EPHA3: variants seen among roughly 807,000 people sequenced by gnomAD.
EPHA3 encodes EPH receptor A3.
EPHA3 carries 42 observed loss-of-function variants against 107.1 expected under a neutral mutation model. That is an observed-to-expected ratio of 0.39 (90% confidence interval 0.31 to 0.51). EPHA3 has a LOEUF of 0.51. EPHA3 is among the 20% of genes least tolerant of loss of function. The pLI, the probability that EPHA3 is intolerant of heterozygous loss-of-function variation, is 0.78. For synonymous variants in EPHA3, 461 were observed against 424.8 expected (o/e 1.09, Z -1.05); for missense variants, 1,183 against 1,211.2 (o/e 0.98, Z 0.35).
intron 16 of EPHA3, among the ~76,000 whole-genome samples, chr3:89,475,419 G>A (rs1389476832): frequency 1.3e-5 from 2 of 152,126 alleles, no homozygotes; most frequent in Non-Finnish European, 2.9e-5. Flanking sequence ...TATAGGAAAA[G>A]ATCAATAAAA....
At chr3:89,136,311 C>A (rs2107002278) in intron 2 of EPHA3, among the ~76,000 whole-genome samples, 1 of 105,288 alleles carries the variant, frequency 9.5e-6, no homozygotes, top group African/African-American at 3.5e-5. Flanking sequence ...ATTAGAAAAA[C>A]ATGGCAAAAT....
chr3:89,137,913 A>G (rs1199447286), intron 2 of EPHA3, among the ~76,000 whole-genome samples: 1 of 151,966 alleles, frequency 6.6e-6, no homozygotes, highest in Non-Finnish European at 1.5e-5. Context: ...GAAATGCAAA[A>G]TTCTGGGCCC....
chr3:89,113,480 T>A (rs1707164213), intron 1 of EPHA3, among the ~76,000 whole-genome samples: 1 of 15,314 alleles, frequency 6.5e-5, no homozygotes, highest in Non-Finnish European at 1.6e-4. Context: ...CCAGCTTCCT[T>A]TGTACAAAAA....
chr3:89,197,201 A>C (rs1313339814), intron 2 of EPHA3, among the ~76,000 whole-genome samples: 1 of 152,214 alleles, frequency 6.6e-6, no homozygotes, highest in Admixed American at 6.5e-5. Flanking sequence ...CATCTTGATC[A>C]TAATGGTAGT....
chr3:89,472,980 A>AT (rs1360625238), intron 16 of EPHA3, among the ~76,000 whole-genome samples: 1 of 152,140 alleles, frequency 6.6e-6, no homozygotes, highest in African/African-American at 2.4e-5. Context: ...GCATTTTGTG[A>AT]TTTTTCTGTT....
At chr3:89,333,994 CTTA>C (rs1707345632) in intron 3 of EPHA3, among the ~76,000 whole-genome samples, 1 of 152,010 alleles carries the variant, frequency 6.6e-6, no homozygotes, top group South Asian at 2.1e-4. Flanking sequence ...GAGAAAATAT[CTTA>C]TATTTTTAAA....
At chr3:89,128,605 G>A (rs1704139969) in intron 2 of EPHA3, among the ~76,000 whole-genome samples, 1 of 151,410 alleles carries the variant, frequency 6.6e-6, no homozygotes. Context: ...TATAAGAAAA[G>A]CAAAAGCTAT....
chr3:89,352,381 T>C (rs1228186073), intron 5 of EPHA3, among the ~76,000 whole-genome samples: 1 of 151,354 alleles, frequency 6.6e-6, no homozygotes, highest in Non-Finnish European at 1.5e-5. Flanking sequence ...GTCACTAATA[T>C]AATTTTAAAC....
At chr3:89,215,956 G>T (rs1704214950) in intron 3 of EPHA3, among the ~76,000 whole-genome samples, 1 of 151,754 alleles carries the variant, frequency 6.6e-6, no homozygotes, top group Non-Finnish European at 1.5e-5. Flanking sequence ...TTATCAAATG[G>T]CTGTGGGGTA....
intron 5 of EPHA3, among the ~76,000 whole-genome samples, chr3:89,374,706 A>G (rs1318024492): frequency 6.6e-6 from 1 of 151,580 alleles, no homozygotes; most frequent in Non-Finnish European, 1.5e-5. Context: ...TTTGAGGGCC[A>G]ATTGTCATGA....
intron 2 of EPHA3, among the ~76,000 whole-genome samples, chr3:89,182,182 T>C (rs1266138709): frequency 6.6e-6 from 1 of 152,002 alleles, no homozygotes; most frequent in Non-Finnish European, 1.5e-5. Context: ...TATACCACTC[T>C]TTATTTCCTA....
intron 11 of EPHA3, among the ~76,000 whole-genome samples, chr3:89,428,349 A>T (rs1709497579): frequency 6.6e-6 from 1 of 152,070 alleles, no homozygotes; most frequent in Non-Finnish European, 1.5e-5. Context: ...ATGTTAATAT[A>T]TAAATTAATT....
At chr3:89,476,145 A>AT (rs1710501007) in intron 16 of EPHA3, among the ~76,000 whole-genome samples, 2 of 147,650 alleles carry the variant, frequency 1.4e-5, no homozygotes, top group Admixed American at 1.4e-4. Flanking sequence ...TATATTATAT[A>AT]TAATATATAA....
At chr3:89,198,684 T>C (rs1188105183) in intron 2 of EPHA3, among the ~76,000 whole-genome samples, 1 of 152,212 alleles carries the variant, frequency 6.6e-6, no homozygotes, top group Admixed American at 6.5e-5. Context: ...TCTGTAAAAC[T>C]TAGCATATGT....
intron 16 of EPHA3, among the ~76,000 whole-genome samples, 200 bp downstream of exon 16, chr3:89,472,819 G>A (rs1710434983): frequency 6.6e-6 from 1 of 152,106 alleles, no homozygotes; most frequent in South Asian, 2.1e-4. Flanking sequence ...ACATATTGAT[G>A]TGTCTTCCTC....
chr3:89,270,799 C>A (rs1337066580), intron 3 of EPHA3, among the ~76,000 whole-genome samples: 1 of 151,940 alleles, frequency 6.6e-6, no homozygotes, highest in Non-Finnish European at 1.5e-5. Flanking sequence ...ACACACTGGG[C>A]TCCTCTAGCA....
chr3:89,398,746 G>A (rs1178726213), intron 6 of EPHA3, among the ~76,000 whole-genome samples: 1 of 152,134 alleles, frequency 6.6e-6, no homozygotes, highest in Non-Finnish European at 1.5e-5. Context: ...TTACTGGTTA[G>A]AATAAAGCCA....
intron 3 of EPHA3, among the ~76,000 whole-genome samples, chr3:89,300,993 C>T (rs1300321955): frequency 6.6e-6 from 1 of 152,080 alleles, no homozygotes; most frequent in Non-Finnish European, 1.5e-5. Context: ...ACTTTTGTCT[C>T]CCTGACCACT....
chr3:89,441,968 A>G (rs1709794806), intron 13 of EPHA3, among the ~76,000 whole-genome samples: 1 of 152,106 alleles, frequency 6.6e-6, no homozygotes. Context: ...CTATGCCAAT[A>G]ATGTTTACGT....
Sources: gnomAD v4.1 joint callset for allele counts (sites outside exome capture counted in the v4.1 genomes callset) on GRCh38, gnomAD v4.1.1 for gene constraint, MANE v1.5 for transcripts, NCBI Gene and HGNC (gene_info 2026-07-23, HGNC 2026-07-21) for gene names.